Variants in ESR1 observed in about 807,000 individuals in gnomAD.
ESR1 encodes estrogen receptor.
A neutral mutation model predicts 52.7 loss-of-function variants in ESR1; 12 were observed. The observed-to-expected ratio is 0.23, with a 90% CI of 0.15 to 0.37. The LOEUF is 0.37. ESR1 is among the 10% of genes least tolerant of loss of function. The pLI is 1.00. For missense variants in ESR1, 584 were observed against 779.7 expected, an observed-to-expected ratio of 0.75 and a Z score of 2.99; for synonymous variants, 305 against 316.8, an observed-to-expected ratio of 0.96 and a Z score of 0.39.
intron 1 of ESR1, 39 bp downstream of exon 1, chr6:151,808,403 G>C (rs772108808): frequency 2.0e-5 from 7 of 345,590 alleles, no homozygotes; most frequent in Non-Finnish European, 2.8e-5. Context: ...TGGCCGCCGC[G>C]CCCGGCAGGA....
chr6:152,076,308 A>G (rs1223854224), intron 6 of ESR1, among the ~76,000 whole-genome samples: 1 of 152,078 alleles, frequency 6.6e-6, no homozygotes, highest in Non-Finnish European at 1.5e-5. Context: ...TCTTGCCACC[A>G]CCATGTAAGA....
intron 6 of ESR1, among the ~76,000 whole-genome samples, chr6:152,087,598 C>A (rs12182393): frequency 3.6e-4 from 55 of 152,310 alleles, no homozygotes; most frequent in African/African-American, 1.2e-3. Flanking sequence ...GAATGGGTGG[C>A]TTCCAAGGTC....
At position 152,098,472 on chromosome 6, in the gene ESR1, G is replaced by A. The variant is rs2050809049; in HGVS notation, c.1554-260G>A. Among the ~76,000 whole-genome samples, 1 of 152,028 alleles carries A rather than the reference G, an allele frequency of 6.6e-6. No individual in the cohort carries two copies. The highest frequency in any genetic ancestry group is 6.5e-5 in the Admixed American group (1 of 15,268). On this transcript the variant is annotated intron_variant, in intron 7 of 7. Transcript: ENST00000206249. The surrounding 1 kb of genome is among the most constrained non-coding windows in gnomAD (Gnocchi z 5.1). ...CCTGCATAGCAAATACCCTGAAAGT[G>A]GCTGCAGGGAGAGTGTGAGGGTGGG...
At chr6:152,040,853 G>T (rs530075170) in intron 5 of ESR1, among the ~76,000 whole-genome samples, 3 of 152,348 alleles carry the variant, frequency 2.0e-5, no homozygotes, top group Admixed American at 6.5e-5. Flanking sequence ...AGGGTGGCAG[G>T]AGTGGGGACC....
chr6:151,882,788 A>G (rs935854427), intron 3 of ESR1, among the ~76,000 whole-genome samples: 3 of 151,934 alleles, frequency 2.0e-5, no homozygotes, highest in African/African-American at 7.3e-5. Context: ...TAATATCCAG[A>G]TACGGTCTGG....
At chr6:151,855,435 T>A (rs1386159069) in intron 2 of ESR1, among the ~76,000 whole-genome samples, 1 of 152,198 alleles carries the variant, frequency 6.6e-6, no homozygotes, top group Non-Finnish European at 1.5e-5. Context: ...GTTTCACTCT[T>A]CATAGCACAT....
rs939912550 is a variant in ESR1 at position 152,101,649 on chromosome 6, T to TA, written c.*2692dup. The TA allele has an allele frequency of 3.8e-4, 86 of 227,966 alleles. No individual in the cohort carries two copies. The highest frequency in any genetic ancestry group is 1.3e-3 in the Middle Eastern group (1 of 748). The allele number at this position is 227,966 out of a possible 1,614,324, so 14.1% of individuals were successfully genotyped here. On this transcript the variant is annotated 3_prime_UTR_variant, in exon 8 of 8. Transcript: ENST00000206249. Reference sequence around the variant, plus strand: ...TGGTATTGGGTGTAGGAACATGATTTAAAAAAAAACTCTTGCCTCTGCTTT... The same window carrying TA: ...TGGTATTGGGTGTAGGAACATGATTTAAAAAAAAAACTCTTGCCTCTGCTTT...
At chr6:151,985,528 A>C (rs1388200396) in intron 4 of ESR1, among the ~76,000 whole-genome samples, 9,136 of 141,148 alleles carry the variant, frequency 0.065, 800 homozygotes, top group East Asian at 0.16. Flanking sequence ...AAAAAAAAAA[A>C]AAAAACACAA....
chr6:151,792,918 C>T (rs1461094049), intron 2 of ESR1, among the ~76,000 whole-genome samples: 7 of 152,248 alleles, frequency 4.6e-5, no homozygotes, highest in Admixed American at 3.9e-4. Context: ...CGCCTGTAAT[C>T]CTAGCACTTT....
At chr6:151,835,655 G>A (rs1783209313) in intron 1 of ESR1, among the ~76,000 whole-genome samples, 1 of 152,208 alleles carries the variant, frequency 6.6e-6, no homozygotes, top group Non-Finnish European at 1.5e-5. Flanking sequence ...GTAGGTGACA[G>A]GAAACAATGA....
intron 2 of ESR1, among the ~76,000 whole-genome samples, chr6:151,795,711 C>A (rs1403649662): frequency 1.3e-5 from 2 of 152,058 alleles, no homozygotes; most frequent in African/African-American, 4.8e-5. Flanking sequence ...TACTCATGTG[C>A]AAATTGACTT....
chr6:151,899,023 G>A (rs1297802936), intron 3 of ESR1, among the ~76,000 whole-genome samples: 8 of 149,680 alleles, frequency 5.3e-5, no homozygotes, highest in South Asian at 2.1e-4. Flanking sequence ...CTGGCCGGGC[G>A]GGGGGCTGAA....
rs1376866852 is a variant in ESR1, at chr6:152,061,789, G to A, written c.1369+665G>A. Among the ~76,000 whole-genome samples, 4 of 152,176 alleles carry A rather than the reference G, an allele frequency of 2.6e-5. No homozygotes were observed. The highest frequency in any genetic ancestry group is 6.5e-5 in the Admixed American group (1 of 15,286). The stretch of plus-strand genomic sequence containing the variant: ...TTTTTGTTTTCAATGTAGTGAGGCT[G>A]GCTGTTGTATAAAGAGTTACTCTAT... On this transcript the variant is annotated intron_variant, in intron 6 of 7. Coordinates refer to ENST00000206249, the MANE Select transcript of ESR1 (RefSeq NM_000125.4). This position sits in a 1 kb window ranked among gnomAD's most constrained non-coding sequence, Gnocchi z 4.3.
intron 6 of ESR1, among the ~76,000 whole-genome samples, chr6:152,067,722 G>T (rs1310447760): frequency 6.6e-6 from 1 of 152,140 alleles, no homozygotes; most frequent in Non-Finnish European, 1.5e-5. Flanking sequence ...AGCTACTCAG[G>T]AGGCTAATGC....
intron 1 of ESR1, among the ~76,000 whole-genome samples, chr6:151,665,112 T>C (rs1777774663): frequency 6.6e-6 from 1 of 152,186 alleles, no homozygotes; most frequent in Non-Finnish European, 1.5e-5. Context: ...AAAATTCCAT[T>C]TGCCTGTGTG....
At chr6:151,855,106 G>A (rs912035277) in intron 2 of ESR1, among the ~76,000 whole-genome samples, 2 of 152,156 alleles carry the variant, frequency 1.3e-5, no homozygotes, top group African/African-American at 4.8e-5. Context: ...TGGAGACGGG[G>A]TTTCACTGTG....
At chr6:151,990,167 A>C (rs367703727) in intron 4 of ESR1, among the ~76,000 whole-genome samples, 1 of 152,116 alleles carries the variant, frequency 6.6e-6, no homozygotes, top group East Asian at 1.9e-4. Flanking sequence ...AATGTAGTAG[A>C]AATTATGATT....
At chr6:151,922,477 AT>A (rs1375826191) in intron 3 of ESR1, among the ~76,000 whole-genome samples, 1 of 152,144 alleles carries the variant, frequency 6.6e-6, no homozygotes, top group Non-Finnish European at 1.5e-5. Flanking sequence ...ACCCATGAAT[AT>A]TTATGCTTTG....
chr6:151,966,158 A>G (rs894678077), intron 4 of ESR1, among the ~76,000 whole-genome samples: 1 of 152,206 alleles, frequency 6.6e-6, no homozygotes, highest in African/African-American at 2.4e-5. Context: ...TTGACAGAGT[A>G]TCAAATTCTG....
Sources: gnomAD v4.1 joint callset for allele counts (sites outside exome capture counted in the v4.1 genomes callset) on GRCh38, gnomAD v4.1.1 for gene constraint, Gnocchi (gnomAD v3.1) non-coding constraint, MANE v1.5 for transcripts, NCBI Gene and HGNC (gene_info 2026-07-23, HGNC 2026-07-21) for gene names.